UBE3D: variants seen among roughly 807,000 people sequenced by gnomAD.
UBE3D encodes the protein ubiquitin protein ligase E3D, also known as E3 ubiquitin-protein ligase E3D.
Under a neutral mutation model 49.6 loss-of-function variants are expected in UBE3D, and 48 were observed. That is an observed-to-expected ratio of 0.97 (90% CI 0.77 to 1.23). The LOEUF is 1.23. UBE3D is among the 50% of genes most tolerant of loss of function. The pLI is 0.00. For synonymous variants in UBE3D, 189 were observed against 174.2 expected, an observed-to-expected ratio of 1.08 and a Z score of -0.67; for missense variants, 452 against 468.4, an observed-to-expected ratio of 0.96 and a Z score of 0.32.
At chr6:83,011,884 G>A (rs1780361025) in intron 8 of UBE3D, among the ~76,000 whole-genome samples, 1 of 152,062 alleles carries the variant, frequency 6.6e-6, no homozygotes, top group Admixed American at 6.5e-5. Flanking sequence ...TCAATTCCTG[G>A]ACCCGTGAAT....
intron 8 of UBE3D, among the ~76,000 whole-genome samples, chr6:82,970,599 G>A (rs1582504942): frequency 6.6e-6 from 1 of 152,282 alleles, no homozygotes; most frequent in East Asian, 1.9e-4. Context: ...CAGCACTTTG[G>A]GAGGTCGAGG....
At chr6:82,904,899 G>T (rs141918441) in intron 9 of UBE3D, among the ~76,000 whole-genome samples, 1 of 152,146 alleles carries the variant, frequency 6.6e-6, no homozygotes. Flanking sequence ...AATGTAGGTT[G>T]CTTAGTGTAA....
intron 5 of UBE3D, 117 bp downstream of exon 5, chr6:83,038,299 C>T (rs1782412597): frequency 1.2e-6 from 1 of 817,852 alleles, no homozygotes; most frequent in African/African-American, 1.8e-5. Flanking sequence ...TTTTGAAAAG[C>T]ACCAATTCCA....
At chr6:83,002,597 A>C (rs1779708037) in intron 8 of UBE3D, among the ~76,000 whole-genome samples, 1 of 152,212 alleles carries the variant, frequency 6.6e-6, no homozygotes, top group Non-Finnish European at 1.5e-5. Flanking sequence ...AGGCAGGAGA[A>C]TCACTTGAAC....
chr6:82,988,448 G>A (rs1177798449), intron 8 of UBE3D, among the ~76,000 whole-genome samples: 2 of 152,002 alleles, frequency 1.3e-5, no homozygotes, highest in Non-Finnish European at 2.9e-5. Flanking sequence ...CCCTCTCAGT[G>A]AAGTACAAGA....
At chr6:82,887,389 GTTTT>G (rs752438556), downstream of UBE3D, among the ~76,000 whole-genome samples, 1 of 98,366 alleles carries the variant, frequency 1.0e-5, no homozygotes, top group Non-Finnish European at 1.9e-5. Flanking sequence ...GACAGTAACA[GTTTT>G]TTTTTTTTTT....
chr6:82,885,162 A>AG, the UBE3D span, among the ~76,000 whole-genome samples: 6 of 102,922 alleles, frequency 5.8e-5, no homozygotes, highest in African/African-American at 1.8e-4. Context: ...AGTAGAATAG[A>AG]AAAAAAAAAA....
At chr6:82,922,238 C>T (rs1773400239) in intron 9 of UBE3D, among the ~76,000 whole-genome samples, 1 of 152,142 alleles carries the variant, frequency 6.6e-6, no homozygotes, top group Non-Finnish European at 1.5e-5. Flanking sequence ...TCATCTTAAA[C>T]ATTTAAAGAC....
intron 1 of UBE3D, 124 bp downstream of exon 1, chr6:83,065,518 G>C: frequency 1.2e-6 from 1 of 862,322 alleles, no homozygotes; most frequent in Non-Finnish European, 1.8e-6. Flanking sequence ...GAGTGATCGA[G>C]AGGCTCTACG....
At chr6:83,063,430 A>G (rs1254721074) in intron 1 of UBE3D, among the ~76,000 whole-genome samples, 1 of 150,864 alleles carries the variant, frequency 6.6e-6, no homozygotes, top group African/African-American at 2.4e-5. Context: ...AAAAAAAAAA[A>G]AAAAAAAGAA....
intron 9 of UBE3D, among the ~76,000 whole-genome samples, chr6:82,913,797 A>C (rs1772702986): frequency 2.0e-5 from 3 of 152,244 alleles, no homozygotes; most frequent in African/African-American, 7.2e-5. Flanking sequence ...AACAGCAGAA[A>C]GTGTCTTTTT....
chr6:82,899,349 C>G lies in UBE3D; in HGVS notation c.1150-6307G>C, dbSNP rs373194557. Among the ~76,000 whole-genome samples, 3 of 152,282 alleles carry G rather than the reference C, an allele frequency of 2.0e-5. No individual in the cohort carries two copies. The East Asian group carries it at 5.8e-4, about 29-fold the overall frequency. On this transcript the variant is annotated intron_variant, in intron 9 of 9. Coordinates refer to ENST00000369747, the MANE Select transcript of UBE3D (RefSeq NM_198920.3). ...AGGGAACATCAGTGTAGCCTTCCAA[C>G]CCTGAACTTTCTGCACACATTCCAT...
At chr6:82,999,288 G>A (rs970269602) in intron 8 of UBE3D, among the ~76,000 whole-genome samples, 4 of 152,146 alleles carry the variant, frequency 2.6e-5, no homozygotes, top group Non-Finnish European at 4.4e-5. Context: ...ACCAGAGCTT[G>A]AGATACCAGA....
chr6:83,011,283 T>C (rs577698202), intron 8 of UBE3D, among the ~76,000 whole-genome samples: 1 of 152,212 alleles, frequency 6.6e-6, no homozygotes, highest in Non-Finnish European at 1.5e-5. Flanking sequence ...TCACGACACT[T>C]ACATTCCTTG....
intron 5 of UBE3D, among the ~76,000 whole-genome samples, chr6:83,033,468 G>C (rs1782024074): frequency 6.6e-6 from 1 of 152,246 alleles, no homozygotes; most frequent in Admixed American, 6.5e-5. Flanking sequence ...GGTGGGACCT[G>C]GTGGGAGGTG....
intron 1 of UBE3D, among the ~76,000 whole-genome samples, chr6:83,061,030 C>T (rs1036632137): frequency 1.3e-5 from 2 of 152,194 alleles, no homozygotes; most frequent in African/African-American, 2.4e-5. Context: ...CAGACACTAT[C>T]TTACTTTAAG....
intron 8 of UBE3D, among the ~76,000 whole-genome samples, chr6:82,980,385 G>GA (rs1304735775): frequency 6.6e-6 from 1 of 151,928 alleles, no homozygotes; most frequent in Non-Finnish European, 1.5e-5. Context: ...TATGTCTTTT[G>GA]AAAAATGTCT....
At chr6:82,986,817 C>T (rs1778549653) in intron 8 of UBE3D, among the ~76,000 whole-genome samples, 1 of 147,892 alleles carries the variant, frequency 6.8e-6, no homozygotes, top group African/African-American at 2.5e-5. Flanking sequence ...TAGCCTTGAT[C>T]TCTGGTTTGA....
At chr6:82,904,234 T>C (rs938754026) in intron 9 of UBE3D, among the ~76,000 whole-genome samples, 1 of 152,150 alleles carries the variant, frequency 6.6e-6, no homozygotes, top group African/African-American at 2.4e-5. Context: ...TCATCAAAGT[T>C]ATAATGAAAT....
Sources: allele counts gnomAD v4.1 joint callset (sites outside exome capture counted in the v4.1 genomes callset), GRCh38; gene constraint gnomAD v4.1.1; transcripts MANE v1.5; gene names NCBI Gene and HGNC (gene_info 2026-07-23, HGNC 2026-07-21).